MAML3: variants seen among roughly 807,000 people sequenced by gnomAD.
MAML3 encodes the protein mastermind-like protein 3.
A neutral mutation model predicts 101.9 loss-of-function variants in MAML3; 27 were observed. The observed-to-expected ratio is 0.27, with a 90% CI of 0.20 to 0.37. The LOEUF (loss-of-function observed/expected upper bound fraction) is 0.37. Among genes scored for constraint, MAML3 ranks in the 10% least tolerant of loss-of-function variants. MAML3 has a pLI of 1.00. For synonymous variants in MAML3, 501 were observed against 555.9 expected, an observed-to-expected ratio of 0.90 and a Z score of 1.39; for missense variants, 1,316 against 1,444.9, an observed-to-expected ratio of 0.91 and a Z score of 1.45.
intron 2 of MAML3, among the ~76,000 whole-genome samples, chr4:139,851,702 C>A (rs566863585): frequency 1.3e-5 from 2 of 152,182 alleles, no homozygotes; most frequent in Admixed American, 1.3e-4. Flanking sequence ...TTTAGGACTA[C>A]CCTTGAGATT....
At chr4:140,101,345 A>T (rs796205049) in intron 1 of MAML3, among the ~76,000 whole-genome samples, 3 of 152,294 alleles carry the variant, frequency 2.0e-5, no homozygotes, top group African/African-American at 7.2e-5. Flanking sequence ...TGTAGAATAG[A>T]GCTCCCAAGT....
chr4:140,076,951 G>A (rs1421561321), intron 1 of MAML3, among the ~76,000 whole-genome samples: 3 of 152,030 alleles, frequency 2.0e-5, no homozygotes, highest in Admixed American at 1.3e-4. Flanking sequence ...GTGCAGTGGC[G>A]CAATCTCGGC....
intron 2 of MAML3, among the ~76,000 whole-genome samples, chr4:139,793,289 G>A (rs1356410655): frequency 2.0e-5 from 3 of 152,076 alleles, no homozygotes; most frequent in Non-Finnish European, 4.4e-5. Context: ...GTGACTGTGC[G>A]AACTCCCCGT....
intron 1 of MAML3, among the ~76,000 whole-genome samples, chr4:140,140,710 T>C (rs1053889042): frequency 2.6e-5 from 4 of 152,244 alleles, no homozygotes; most frequent in African/African-American, 9.6e-5. Context: ...CCGAATCACG[T>C]ACATTCCCAC....
chr4:139,839,041 C>T (rs993127848), intron 2 of MAML3, among the ~76,000 whole-genome samples: 2 of 152,200 alleles, frequency 1.3e-5, no homozygotes, highest in African/African-American at 4.8e-5. Flanking sequence ...TAGCCAAATC[C>T]TCAGTCAAGC....
At chr4:139,836,157 G>A (rs911638205) in intron 2 of MAML3, among the ~76,000 whole-genome samples, 3 of 152,102 alleles carry the variant, frequency 2.0e-5, no homozygotes, top group South Asian at 2.1e-4. Flanking sequence ...TCACTTTCAC[G>A]GCAGTTTCTA....
intron 1 of MAML3, among the ~76,000 whole-genome samples, chr4:140,151,301 G>A (rs985364373): frequency 1.3e-5 from 2 of 152,008 alleles, no homozygotes; most frequent in African/African-American, 2.4e-5. Context: ...AGGGAGGAGG[G>A]GTTGAGCGCC....
chr4:139,741,900 G>A (rs886975377), intron 2 of MAML3, among the ~76,000 whole-genome samples: 4 of 152,098 alleles, frequency 2.6e-5, no homozygotes, highest in African/African-American at 7.2e-5. Flanking sequence ...ACGCCCTATT[G>A]TCATTTCTTC....
chr4:140,049,154 AAG>A (rs562134096), intron 1 of MAML3, among the ~76,000 whole-genome samples: 151 of 152,146 alleles, frequency 9.9e-4, no homozygotes, highest in Non-Finnish European at 1.9e-3. Context: ...TTTCTTCACA[AAG>A]AAAAAAAAAT....
intron 1 of MAML3, among the ~76,000 whole-genome samples, chr4:140,129,555 G>A (rs1233276555): frequency 6.6e-6 from 1 of 152,190 alleles, no homozygotes; most frequent in African/African-American, 2.4e-5. Flanking sequence ...GACAGGCTGA[G>A]TCTCAGTCTG....
chr4:139,830,677 G>A (rs1230978372), intron 2 of MAML3, among the ~76,000 whole-genome samples: 2 of 152,058 alleles, frequency 1.3e-5, no homozygotes, highest in Non-Finnish European at 2.9e-5. Context: ...GCCTCCCAAA[G>A]TGCTGGGATT....
At chr4:139,915,417 A>G (rs111915967) in intron 1 of MAML3, among the ~76,000 whole-genome samples, 68 of 152,348 alleles carry the variant, frequency 4.5e-4, no homozygotes, top group African/African-American at 1.6e-3. Flanking sequence ...ACGACTCAGA[A>G]TGATGAGGTT....
At chr4:140,083,540 C>T (rs1300660333) in intron 1 of MAML3, among the ~76,000 whole-genome samples, 1 of 152,164 alleles carries the variant, frequency 6.6e-6, no homozygotes, top group Non-Finnish European at 1.5e-5. Context: ...GCTATTTGGG[C>T]TTCTCAGACC....
intron 2 of MAML3, among the ~76,000 whole-genome samples, chr4:139,802,168 GT>G (rs1386575387): frequency 6.6e-6 from 1 of 152,162 alleles, no homozygotes; most frequent in Non-Finnish European, 1.5e-5. Flanking sequence ...ACAGAATGGG[GT>G]AGCAGAGAGG....
chr4:139,795,450 A>G (rs1730496480), intron 2 of MAML3, among the ~76,000 whole-genome samples: 1 of 152,202 alleles, frequency 6.6e-6, no homozygotes, highest in Admixed American at 6.5e-5. Flanking sequence ...TTAAGGGTGA[A>G]ATTAGAATGG....
Position 139,721,768 on chromosome 4 carries a change from A to AT in MAML3, c.2417-1446dup, listed in dbSNP as rs1407935962. Reference sequence around the variant, plus strand: ...GAAATCCCTAGAAATGTTTTCATATATTTTTTTAAGCTTCATTATATCTAA... The same window carrying AT: ...GAAATCCCTAGAAATGTTTTCATATATTTTTTTTAAGCTTCATTATATCTAA... On this transcript the variant is annotated intron_variant, in intron 4 of 4. Coordinates refer to ENST00000509479, the MANE Select transcript of MAML3 (RefSeq NM_018717.5). Among the ~76,000 whole-genome samples the AT allele has an allele frequency of 2.0e-5, 3 of 152,230 alleles. No individual in the cohort carries two copies. The East Asian group carries it at 5.8e-4, about 30-fold the overall frequency.
At position 139,864,923 on chromosome 4, in the gene MAML3, CTTTTTTTT is replaced by C. The variant is rs56361332; in HGVS notation, c.2079+24426_2079+24433del. Among the ~76,000 whole-genome samples, 57 of 62,468 alleles carry C rather than the reference CTTTTTTTT, an allele frequency of 9.1e-4. 3 individuals are homozygous for C. Among genetic ancestry groups the C allele is most frequent in the East Asian group, 6.7e-3 (10 of 1,490 alleles). 41.0% of individuals were successfully genotyped at this position (62,468 alleles called of 152,430 possible). ...TTAGGAAAATAGTAATGCAAACTTG[CTTTTTTTT>C]TTTTTTTTTTTTTTTTTTTTTTGCC... On this transcript the variant is annotated intron_variant, in intron 2 of 4. Transcript: ENST00000509479.
chr4:140,140,053 G>A (rs1728954819), intron 1 of MAML3, among the ~76,000 whole-genome samples: 1 of 152,264 alleles, frequency 6.6e-6, no homozygotes, highest in African/African-American at 2.4e-5. Context: ...GCCGGACGCG[G>A]TGGCTCACGC....
intron 1 of MAML3, among the ~76,000 whole-genome samples, chr4:139,941,650 G>A (rs1249758952): frequency 3.3e-5 from 5 of 152,194 alleles, no homozygotes; most frequent in South Asian, 2.1e-4. Context: ...CAACTAAAAT[G>A]TACATGTATG....
Sources: gnomAD v4.1 joint callset for allele counts (sites outside exome capture counted in the v4.1 genomes callset) on GRCh38, gnomAD v4.1.1 for gene constraint, MANE v1.5 for transcripts, NCBI Gene and HGNC (gene_info 2026-07-23, HGNC 2026-07-21) for gene names.